ATXN10: variants seen among roughly 807,000 people sequenced by gnomAD.
The protein encoded by ATXN10 is ataxin-10.
ATXN10 carries 28 observed loss-of-function variants against 52.9 expected under a neutral mutation model. The observed-to-expected ratio is 0.53, with a 90% CI of 0.39 to 0.73. The LOEUF (loss-of-function observed/expected upper bound fraction) is 0.73, where lower values mean the gene tolerates loss of function less well. Ranked by LOEUF, ATXN10 falls within the 30% of genes least tolerant of loss-of-function variation. The pLI is 0.00. For missense variants in ATXN10, 565 were observed against 577.0 expected (o/e 0.98, Z 0.21); for synonymous variants, 226 against 221.5 (o/e 1.02, Z -0.18).
chr22:45,717,786 C>T (rs1924502005), intron 5 of ATXN10, among the ~76,000 whole-genome samples: 1 of 152,068 alleles, frequency 6.6e-6, no homozygotes. Context: ...AAGTCTTTTC[C>T]TCAGATGCCC....
rs911254385 is a variant in ATXN10 at position 45,763,494 on chromosome 22, A to G, written c.1173+22956A>G. Among the ~76,000 whole-genome samples the G allele has an allele frequency of 6.6e-6, 1 of 152,124 alleles. No homozygotes were observed. Among genetic ancestry groups the G allele is most frequent in the African/African-American group, 2.4e-5 (1 of 41,418 alleles). ...CTCCTCTCCCCAGCCCCAGGTCTGCAGAGTGTGTGGCTGCTGCACCCTCAG... is the reference window on the plus strand; with the variant it reads ...CTCCTCTCCCCAGCCCCAGGTCTGCGGAGTGTGTGGCTGCTGCACCCTCAG... On this transcript the variant is annotated intron_variant, in intron 9 of 11. Coordinates refer to ENST00000252934, the MANE Select transcript of ATXN10 (RefSeq NM_013236.4). The surrounding 1 kb of genome is among the most constrained non-coding windows in gnomAD (Gnocchi z 6.9).
chr22:45,737,763 A>G (rs1224825204), intron 7 of ATXN10, among the ~76,000 whole-genome samples: 1 of 133,726 alleles, frequency 7.5e-6, no homozygotes, highest in African/African-American at 2.9e-5. Flanking sequence ...CAGTGGCGTG[A>G]TCTTGGCTCA....
At chr22:45,804,286 A>G (rs769180623) in intron 9 of ATXN10, among the ~76,000 whole-genome samples, 24 of 152,158 alleles carry the variant, frequency 1.6e-4, no homozygotes, top group Admixed American at 1.4e-3. Context: ...AATAATACTT[A>G]CTCTAGCATT....
chr22:45,723,590 A>G (rs577989487), intron 6 of ATXN10, among the ~76,000 whole-genome samples: 17 of 152,288 alleles, frequency 1.1e-4, no homozygotes, highest in African/African-American at 3.8e-4. Flanking sequence ...TTGGGTACCC[A>G]TAGCTTAACT....
At chr22:45,729,695 T>C (rs748465267) in intron 7 of ATXN10, 105 bp downstream of exon 7, 4 of 1,240,746 alleles carry the variant, frequency 3.2e-6, no homozygotes, top group Non-Finnish European at 3.5e-6. Context: ...TTAAAAAATA[T>C]TATGTAAGTA....
rs546756752 is a variant in ATXN10, at chr22:45,734,952, T to G, written c.895-3779T>G. Among the ~76,000 whole-genome samples, 15 of 151,596 alleles carry G rather than the reference T, an allele frequency of 9.9e-5. No homozygotes were observed. The South Asian group carries it at 2.9e-3, about 30-fold the overall frequency. On this transcript the variant is annotated intron_variant, in intron 7 of 11. Coordinates refer to ENST00000252934, the MANE Select transcript of ATXN10 (RefSeq NM_013236.4). The stretch of plus-strand genomic sequence containing the variant: ...CAGGCTGGAATGCAGAGGTGTGGTC[T>G]TGGCTCACTGCAACCTCCGTCTCCC...
chr22:45,751,758 AAAAAAAAT>A (rs1569049615), intron 9 of ATXN10, among the ~76,000 whole-genome samples: 501 of 61,056 alleles, frequency 8.2e-3, no homozygotes, highest in African/African-American at 0.025. Flanking sequence ...AAAAAAATAA[AAAAAAAAT>A]AATAATAATA....
rs1387895007 is a variant in ATXN10, at chr22:45,842,336, A to G, written c.1238-655A>G. On this transcript the variant is annotated intron_variant, in intron 10 of 11. Transcript: ENST00000252934. This position sits in a 1 kb window ranked among gnomAD's most constrained non-coding sequence, Gnocchi z 4.8. ...TGTCTCTGGTCTCCTGCCAAGCGGA[A>G]CGTGCCAGGTGAACACTTGGGCACA... Among the ~76,000 whole-genome samples the G allele has an allele frequency of 6.6e-6, 1 of 152,196 alleles. No homozygotes were observed. The highest frequency in any genetic ancestry group is 1.5e-5 in the Non-Finnish European group (1 of 68,038).
At chr22:45,831,947 C>A (rs184346170) in intron 10 of ATXN10, among the ~76,000 whole-genome samples, 2 of 152,246 alleles carry the variant, frequency 1.3e-5, no homozygotes, top group African/African-American at 2.4e-5. Flanking sequence ...ACACCCCCTT[C>A]CGTCACCTGT....
At chr22:45,798,078 A>C (rs1927807416) in intron 9 of ATXN10, among the ~76,000 whole-genome samples, 1 of 152,244 alleles carries the variant, frequency 6.6e-6, no homozygotes, top group Admixed American at 6.5e-5. Context: ...TAGTTTCAGC[A>C]GTGAATTCTG....
chr22:45,770,991 G>T lies in ATXN10; in HGVS notation c.1173+30453G>T, dbSNP rs1017106846. Among the ~76,000 whole-genome samples the T allele has an allele frequency of 6.6e-6, 1 of 152,194 alleles. No individual in the cohort carries two copies. Among genetic ancestry groups the T allele is most frequent in the Non-Finnish European group, 1.5e-5 (1 of 68,038 alleles). On this transcript the variant is annotated intron_variant, in intron 9 of 11. Coordinates refer to ENST00000252934, the MANE Select transcript of ATXN10 (RefSeq NM_013236.4). This position sits in a 1 kb window ranked among gnomAD's most constrained non-coding sequence, Gnocchi z 4.5. The stretch of plus-strand genomic sequence containing the variant: ...AGGCCAGCCCTTTTGGCTCTCTGCG[G>T]CTGCCTTCTTCCCTCCAATGCAAAA...
Position 45,712,225 on chromosome 22 carries a change from C to G in ATXN10, c.648-6188C>G, listed in dbSNP as rs1224797797. Reference sequence around the variant, plus strand: ...TTGGGCCCACTCTTGAAGGAAAAAGCTACCAGGTTTGGGCTCATTCTTGAA... The same window carrying G: ...TTGGGCCCACTCTTGAAGGAAAAAGGTACCAGGTTTGGGCTCATTCTTGAA... On this transcript the variant is annotated intron_variant, in intron 5 of 11. Coordinates refer to ENST00000252934, the MANE Select transcript of ATXN10 (RefSeq NM_013236.4). This position sits in a 1 kb window ranked among gnomAD's most constrained non-coding sequence, Gnocchi z 4.6. Among the ~76,000 whole-genome samples the G allele has an allele frequency of 6.6e-6, 1 of 152,088 alleles. No homozygotes were observed. The highest frequency in any genetic ancestry group is 1.5e-5 in the Non-Finnish European group (1 of 68,016).
At chr22:45,785,447 C>A (rs1270006211) in intron 9 of ATXN10, among the ~76,000 whole-genome samples, 1 of 152,120 alleles carries the variant, frequency 6.6e-6, no homozygotes, top group Non-Finnish European at 1.5e-5. Context: ...GTTTAAAGTT[C>A]TTTATAAAGA....
At chr22:45,714,610 G>A (rs1037281270) in intron 5 of ATXN10, among the ~76,000 whole-genome samples, 2 of 152,050 alleles carry the variant, frequency 1.3e-5, no homozygotes, top group African/African-American at 4.8e-5. Flanking sequence ...TTGAAGTCCT[G>A]GCCTTAAGCA....
chr22:45,746,567 C>G (rs1393616170), intron 9 of ATXN10, among the ~76,000 whole-genome samples: 3 of 152,014 alleles, frequency 2.0e-5, no homozygotes, highest in African/African-American at 7.2e-5. Context: ...TTTCTTTTTG[C>G]AACTGTAAAA....
intron 9 of ATXN10, among the ~76,000 whole-genome samples, chr22:45,801,030 T>C (rs771742875): frequency 6.6e-6 from 1 of 152,228 alleles, no homozygotes; most frequent in African/African-American, 2.4e-5. Context: ...AAAATGCCTT[T>C]TAGAAGTAAA....
Position 45,728,632 on chromosome 22 carries a change from C to T in ATXN10, c.729-793C>T, listed in dbSNP as rs1316590883. Among the ~76,000 whole-genome samples the T allele has an allele frequency of 2.6e-5, 4 of 152,056 alleles. No homozygotes were observed. Among genetic ancestry groups the T allele is most frequent in the African/African-American group, 9.7e-5 (4 of 41,396 alleles). ...GTCTTCTATAGAAATTAGAATTATACGTATAATCCCAAATCAAAATGTAAT... is the reference window on the plus strand; with the variant it reads ...GTCTTCTATAGAAATTAGAATTATATGTATAATCCCAAATCAAAATGTAAT... On this transcript the variant is annotated intron_variant, in intron 6 of 11. Transcript: ENST00000252934. The surrounding 1 kb of genome is among the most constrained non-coding windows in gnomAD (Gnocchi z 4.3).
At position 45,672,098 on chromosome 22, in the gene ATXN10, C is replaced by G; in HGVS notation, c.35C>G (p.Ser12Trp). The G allele has an allele frequency of 6.5e-7, 1 of 1,539,052 alleles. No individual in the cohort carries two copies. The highest frequency in any genetic ancestry group is 1.2e-5 in the South Asian group (1 of 83,846). The change falls in exon 1 of 12, where the codon TCG (serine) becomes TGG (tryptophan). Residue 12 changes from serine (S) to tryptophan (W), a missense_variant. Transcript: ENST00000252934. Reference protein sequence around the residue: ...AAPRPPPARLSGVMVPAPIQD... With the variant: ...AAPRPPPARLWGVMVPAPIQD... ...CCCAGGCCGCCGCCTGCCAGGCTGT[C>G]GGGCGTCATGGTGCCGGCGCCCATC...
chr22:45,676,944 A>C (rs893717780), intron 1 of ATXN10: 2 of 151,932 alleles, frequency 1.3e-5, no homozygotes, highest in African/African-American at 4.8e-5. Context: ...TGCCCAGATA[A>C]TTTTTTTGTT....
Sources: gnomAD v4.1 joint callset for allele counts (sites outside exome capture counted in the v4.1 genomes callset) on GRCh38, gnomAD v4.1.1 for gene constraint, Gnocchi (gnomAD v3.1) non-coding constraint, MANE v1.5 for transcripts, NCBI Gene and HGNC (gene_info 2026-07-23, HGNC 2026-07-21) for gene names.